The following STK32B variants were observed in gnomAD, a reference collection of about 807,000 sequenced individuals.
STK32B encodes the protein serine/threonine kinase 32B, also known as serine/threonine-protein kinase 32B.
In STK32B, 43 loss-of-function variants were observed where a neutral mutation model predicts 52.6. That is an observed-to-expected ratio of 0.82 (90% confidence interval 0.64 to 1.05). STK32B has a LOEUF of 1.05. STK32B is among the 50% of genes least tolerant of loss of function. The probability of loss-of-function intolerance (pLI) is 0.00; values close to 1 mark genes in which losing one functional copy is unlikely to be tolerated. For missense variants in STK32B, 621 were observed against 534.6 expected (o/e 1.16, Z -1.59); for synonymous variants, 238 against 204.3 (o/e 1.17, Z -1.41).
At chr4:5,481,739 T>G (rs985417021) in intron 11 of STK32B, among the ~76,000 whole-genome samples, 2 of 152,236 alleles carry the variant, frequency 1.3e-5, no homozygotes, top group African/African-American at 2.4e-5. Flanking sequence ...AAGTCTTTAA[T>G]CCATCTTGAA....
the STK32B span, among the ~76,000 whole-genome samples, chr4:5,046,156 C>T: frequency 3.3e-5 from 5 of 152,058 alleles, no homozygotes; most frequent in South Asian, 2.1e-4. Context: ...GTAGTGGTAC[C>T]AAAACAGACA....
intron 3 of STK32B, among the ~76,000 whole-genome samples, chr4:5,271,434 G>C (rs757371531): frequency 1.3e-5 from 2 of 152,034 alleles, no homozygotes; most frequent in Non-Finnish European, 2.9e-5. Context: ...AAGTCAGGTA[G>C]TGTGATGCCT....
intron 7 of STK32B, among the ~76,000 whole-genome samples, chr4:5,449,029 C>T (rs1047082982): frequency 1.3e-5 from 2 of 152,204 alleles, no homozygotes; most frequent in Non-Finnish European, 2.9e-5. Flanking sequence ...GAGCTCCTTT[C>T]GTCCAAAAGA....
At chr4:5,086,251 T>C (rs942775895) in intron 1 of STK32B, among the ~76,000 whole-genome samples, 1 of 152,118 alleles carries the variant, frequency 6.6e-6, no homozygotes, top group African/African-American at 2.4e-5. Flanking sequence ...ACCTTGAGGG[T>C]CTGTGCTAGC....
rs1351045219 is a variant in STK32B at position 5,317,455 on chromosome 4, A to G, written c.261-13765A>G. 5.7e-4 allele frequency among the ~76,000 whole-genome samples: 59 copies of G among 103,814 alleles called. 3 individuals are homozygous for G. The highest frequency in any genetic ancestry group is 9.1e-4 in the African/African-American group (17 of 18,662). The allele number at this position is 103,814 out of a possible 152,430, so 68.1% of individuals were successfully genotyped here. ...TATATTACATATATACATAATATATATAATATATATGTATAATATATATAT... is the reference window on the plus strand; with the variant it reads ...TATATTACATATATACATAATATATGTAATATATATGTATAATATATATAT... On this transcript the variant is annotated intron_variant, in intron 3 of 11. Transcript: ENST00000282908.
At chr4:5,177,678 G>A (rs762203370) in intron 3 of STK32B, among the ~76,000 whole-genome samples, 2 of 152,130 alleles carry the variant, frequency 1.3e-5, no homozygotes, top group Non-Finnish European at 1.5e-5. Flanking sequence ...GATACAATAG[G>A]GTACAGGTAT....
chr4:5,227,455 C>A (rs1044755428), intron 3 of STK32B, among the ~76,000 whole-genome samples: 13 of 152,328 alleles, frequency 8.5e-5, no homozygotes, highest in African/African-American at 3.1e-4. Context: ...CCACTGAACT[C>A]ATTCGGAAAA....
chr4:5,392,721 C>T (rs1208706542), intron 4 of STK32B, among the ~76,000 whole-genome samples: 1 of 152,152 alleles, frequency 6.6e-6, no homozygotes. Flanking sequence ...ATACCTATCT[C>T]TAAGAGTTGT....
At chr4:5,417,001 T>G in intron 6 of STK32B, 67 bp downstream of exon 6, 9 of 1,424,166 alleles carry the variant, frequency 6.3e-6, no homozygotes, top group Non-Finnish European at 6.7e-6. Context: ...CATCCTTCTC[T>G]TGTTTCATCT....
In STK32B at chr4:5,286,177, T is replaced by C. The variant is rs536746740; in HGVS notation, c.261-45043T>C. On this transcript the variant is annotated intron_variant, in intron 3 of 11. Coordinates refer to ENST00000282908, the MANE Select transcript of STK32B (RefSeq NM_018401.3). ...GCCACCTGGCTGTGGTACTTTATTA[T>C]GGCAGTTCTAGCAAACTAATACACT... Among the ~76,000 whole-genome samples the C allele has an allele frequency of 1.6e-4, 24 of 152,330 alleles. No homozygotes were observed. In the South Asian group the frequency reaches 3.3e-3, roughly 21 times the overall value.
chr4:5,438,513 C>A (rs1299803410), intron 6 of STK32B, among the ~76,000 whole-genome samples: 1 of 152,126 alleles, frequency 6.6e-6, no homozygotes, highest in African/African-American at 2.4e-5. Flanking sequence ...AGGAGGGTTC[C>A]CAGATTTCTG....
intron 1 of STK32B, among the ~76,000 whole-genome samples, chr4:5,100,543 C>A (rs1345404377): frequency 7.2e-6 from 1 of 139,408 alleles, no homozygotes; most frequent in Non-Finnish European, 1.5e-5. Context: ...TCCTTCCTTT[C>A]CTCCTTTCCT....
chr4:5,187,515 A>C (rs1388277574), intron 3 of STK32B, among the ~76,000 whole-genome samples: 1 of 151,988 alleles, frequency 6.6e-6, no homozygotes, highest in Non-Finnish European at 1.5e-5. Context: ...ATATATAGCC[A>C]ACAAGAGTCA....
chr4:5,036,442 TA>T, the STK32B span, among the ~76,000 whole-genome samples: 334 of 152,246 alleles, frequency 2.2e-3, 8 homozygotes, highest in East Asian at 0.045. Flanking sequence ...AGTCAGAAAA[TA>T]AACTCCACAT....
chr4:5,177,645 A>C (rs976085858), intron 3 of STK32B, among the ~76,000 whole-genome samples: 1 of 152,342 alleles, frequency 6.6e-6, no homozygotes, highest in East Asian at 1.9e-4. Context: ...CTGTAAAATC[A>C]AAAGCAAGTT....
chr4:5,158,320 T>A (rs11937406), intron 2 of STK32B, among the ~76,000 whole-genome samples: 58,157 of 151,872 alleles, frequency 0.38, 11,627 homozygotes, highest in African/African-American at 0.48. Context: ...CTGGGGTCCC[T>A]GTGCCTTGCC....
intron 4 of STK32B, among the ~76,000 whole-genome samples, chr4:5,364,861 G>A (rs1037726414): frequency 2.6e-5 from 4 of 151,332 alleles, no homozygotes; most frequent in South Asian, 2.1e-4. Flanking sequence ...ACCCTGCCTG[G>A]AAAAAAATGT....
At chr4:5,317,180 A>ATATATAACATATATATAACATATATATAT (rs1731042593) in intron 3 of STK32B, among the ~76,000 whole-genome samples, 2 of 49,566 alleles carry the variant, frequency 4.0e-5, no homozygotes, top group African/African-American at 3.7e-4. Flanking sequence ...AACATATAAT[A>ATATATAACATATATATAACATATATATAT]TATATATATA....
intron 1 of STK32B, among the ~76,000 whole-genome samples, chr4:5,056,953 C>T (rs1198219410): frequency 6.6e-6 from 1 of 152,186 alleles, no homozygotes; most frequent in Non-Finnish European, 1.5e-5. Flanking sequence ...TTATTGTGTT[C>T]CTTGAAGCAC....
Sources: allele counts gnomAD v4.1 joint callset (sites outside exome capture counted in the v4.1 genomes callset), GRCh38; gene constraint gnomAD v4.1.1; transcripts MANE v1.5; gene names NCBI Gene and HGNC (gene_info 2026-07-23, HGNC 2026-07-21).